MIA2: variants seen among roughly 807,000 people sequenced by gnomAD.
MIA2 encodes MIA SH3 domain ER export factor 2, also known as melanoma inhibitory activity protein 2.
A neutral mutation model predicts 167.8 loss-of-function variants in MIA2; 127 were observed. The observed-to-expected ratio is 0.76, with a 90% CI of 0.66 to 0.88. The LOEUF (loss-of-function observed/expected upper bound fraction) is 0.88. Among genes scored for constraint, MIA2 ranks in the 40% least tolerant of loss-of-function variants. The pLI is 0.00. For synonymous variants in MIA2, 552 were observed against 541.9 expected, an observed-to-expected ratio of 1.02 and a Z score of -0.26; for missense variants, 1,690 against 1,624.7, an observed-to-expected ratio of 1.04 and a Z score of -0.69.
intron 7 of MIA2, among the ~76,000 whole-genome samples, 188 bp downstream of exon 7, chr14:39,277,253 C>A (rs1157628783): frequency 6.6e-6 from 1 of 151,792 alleles, no homozygotes; most frequent in Non-Finnish European, 1.5e-5. Flanking sequence ...AGGCCCAGTG[C>A]TGTGGCTCCC....
intron 26 of MIA2, 195 bp from the exon 27 acceptor site, chr14:39,347,518 C>A: frequency 1.8e-6 from 1 of 565,592 alleles, no homozygotes. Context: ...TGCCACATGC[C>A]ATCATAGAAC....
At chr14:39,267,713 G>C (rs754654507) in intron 6 of MIA2, among the ~76,000 whole-genome samples, 1 of 152,216 alleles carries the variant, frequency 6.6e-6, no homozygotes, top group Non-Finnish European at 1.5e-5. Flanking sequence ...AGTGGTTTTT[G>C]TGTGATGGAG....
chr14:39,361,742 T>A (rs1173127058), intron 23 of MIA2, among the ~76,000 whole-genome samples: 2 of 152,132 alleles, frequency 1.3e-5, no homozygotes, highest in Non-Finnish European at 2.9e-5. Flanking sequence ...GCCTGGCCTT[T>A]TAGTACTATA....
intron 2 of MIA2, 30 bp from the exon 3 acceptor site, chr14:39,240,531 C>A: frequency 1.3e-6 from 2 of 1,534,876 alleles, no homozygotes; most frequent in Admixed American, 1.7e-5. Context: ...ATCATTCTTC[C>A]TCGATAATCT....
intron 23 of MIA2, among the ~76,000 whole-genome samples, chr14:39,376,380 T>A: frequency 6.6e-6 from 1 of 152,202 alleles, no homozygotes; most frequent in East Asian, 1.9e-4. Flanking sequence ...GTGGGTTGAT[T>A]TAGTGTTTTT....
chr14:39,347,621 G>A lies in MIA2; in HGVS notation c.3779-92G>A. 3 of 1,290,048 alleles carry A rather than the reference G, an allele frequency of 2.3e-6. No individual in the cohort carries two copies. In the Admixed American group the frequency reaches 5.5e-5, roughly 24 times the overall value. 79.9% of individuals were successfully genotyped at this position (1,290,048 alleles called of 1,614,324 possible). A position where few individuals can be genotyped will look rare whatever the true frequency, so the allele number is the denominator to read the frequency against. ...CCAGCTGGCTTATGTGCCAACAAGG[G>A]GAGTGGGAAAATACCAATTTTGTGA... On this transcript the variant is annotated intron_variant, in intron 26 of 28. Transcript: ENST00000640607.
intron 24 of MIA2, among the ~76,000 whole-genome samples, chr14:39,325,595 C>T (rs1263119029): frequency 6.6e-6 from 1 of 151,488 alleles, no homozygotes; most frequent in Non-Finnish European, 1.5e-5. Context: ...TCTCGATCTC[C>T]TGACCTTGTG....
intron 12 of MIA2, 37 bp from the exon 13 acceptor site, chr14:39,294,884 AAATT>A: frequency 7.6e-7 from 1 of 1,323,264 alleles, no homozygotes; most frequent in Non-Finnish European, 1.1e-6. Flanking sequence ...GCTATGTATT[AAATT>A]AATTGTTACA....
At chr14:39,300,735 A>G (rs934906600) in intron 14 of MIA2, among the ~76,000 whole-genome samples, 4 of 151,598 alleles carry the variant, frequency 2.6e-5, no homozygotes, top group African/African-American at 4.8e-5. Flanking sequence ...GTTAATGGGT[A>G]CAGCACACCA....
intron 25 of MIA2, among the ~76,000 whole-genome samples, chr14:39,334,287 T>A (rs185233110): frequency 1.6e-4 from 24 of 152,062 alleles, no homozygotes; most frequent in African/African-American, 5.5e-4. Flanking sequence ...CCAGCCTGGC[T>A]AACATGGCAA....
At chr14:39,260,234 C>G (rs1437453096) in intron 6 of MIA2, among the ~76,000 whole-genome samples, 1 of 152,078 alleles carries the variant, frequency 6.6e-6, no homozygotes, top group Non-Finnish European at 1.5e-5. Context: ...TAATGGGATC[C>G]CTGGGTCAAA....
chr14:39,385,865 C>T (rs147864783), intron 23 of MIA2: 1 of 967,900 alleles, frequency 1.0e-6, no homozygotes, highest in Non-Finnish European at 1.7e-6. Context: ...CCCCGCATGC[C>T]CCGTCCCCTA....
At chr14:39,385,395 TACTC>T (rs1041197880) in intron 23 of MIA2, 11 of 1,262,924 alleles carry the variant, frequency 8.7e-6, no homozygotes, top group Admixed American at 5.1e-5. Flanking sequence ...GGAGAGGTCA[TACTC>T]AGGCAGGTTC....
chr14:39,331,077 A>T (rs1396425970), intron 25 of MIA2, among the ~76,000 whole-genome samples: 1 of 152,008 alleles, frequency 6.6e-6, no homozygotes, highest in Non-Finnish European at 1.5e-5. Context: ...TCCCACTATT[A>T]TTGTGTGGGA....
chr14:39,295,055 A>C lies in MIA2; in HGVS notation c.2496+26A>C, dbSNP rs2061239049. 8.5e-6 allele frequency: 12 copies of C among 1,405,638 alleles called. No individual in the cohort carries two copies. In the East Asian group the frequency reaches 2.7e-4, roughly 32 times the overall value. The allele number at this position is 1,405,638 out of a possible 1,614,324, so 87.1% of individuals were successfully genotyped here. On this transcript the variant is annotated intron_variant, in intron 13 of 28. Transcript: ENST00000640607. ...GTTTGTGCTCCGTAGGGACTCTTCA[A>C]CTTGTGAATATGTAATTATAGATGT...
chr14:39,270,808 T>G (rs1410593244), intron 6 of MIA2, among the ~76,000 whole-genome samples: 1 of 152,210 alleles, frequency 6.6e-6, no homozygotes, highest in African/African-American at 2.4e-5. Flanking sequence ...ATTTAAAAAA[T>G]GGGTGGTCTT....
chr14:39,385,767 T>G (rs897991782), intron 23 of MIA2: 15 of 873,080 alleles, frequency 1.7e-5, no homozygotes, highest in Non-Finnish European at 2.2e-5. Context: ...ATGAATTTGT[T>G]ACCAGGTCAT....
At chr14:39,337,446 A>G (rs913150185) in intron 25 of MIA2, among the ~76,000 whole-genome samples, 5 of 152,218 alleles carry the variant, frequency 3.3e-5, no homozygotes, top group African/African-American at 9.6e-5. Flanking sequence ...CCTAACTGAC[A>G]TTTATAGAAC....
At chr14:39,296,046 C>G (rs2061377332) in intron 13 of MIA2, among the ~76,000 whole-genome samples, 1 of 150,268 alleles carries the variant, frequency 6.7e-6, no homozygotes, top group Non-Finnish European at 1.5e-5. Flanking sequence ...GCAGTTTTTT[C>G]TTTGGCCTCC....
Sources: allele counts gnomAD v4.1 joint callset (sites outside exome capture counted in the v4.1 genomes callset), GRCh38; gene constraint gnomAD v4.1.1; transcripts MANE v1.5; gene names NCBI Gene and HGNC (gene_info 2026-07-23, HGNC 2026-07-21).